Variants in KCNQ3 observed in about 807,000 individuals in gnomAD.
KCNQ3 encodes the protein potassium voltage-gated channel subfamily Q member 3, also known as potassium voltage-gated channel subfamily KQT member 3.
Under a neutral mutation model 92.5 loss-of-function variants are expected in KCNQ3, and 30 were observed. The observed-to-expected ratio is 0.32, with a 90% CI of 0.24 to 0.44. The LOEUF (loss-of-function observed/expected upper bound fraction) is 0.44, where lower values mean the gene tolerates loss of function less well. Ranked by LOEUF, KCNQ3 falls within the 20% of genes least tolerant of loss-of-function variation. The pLI is 1.00. For missense variants in KCNQ3, 913 were observed against 1,140.3 expected (o/e 0.80, Z 2.87); for synonymous variants, 450 against 468.8 (o/e 0.96, Z 0.52).
intron 1 of KCNQ3, among the ~76,000 whole-genome samples, chr8:132,371,065 C>A (rs1384720099): frequency 3.9e-5 from 6 of 152,182 alleles, no homozygotes; most frequent in Non-Finnish European, 4.4e-5. Context: ...TTCCTGGACA[C>A]CCTCTCTGAT....
intron 1 of KCNQ3, among the ~76,000 whole-genome samples, chr8:132,451,779 C>T (rs1346311143): frequency 6.6e-6 from 1 of 152,192 alleles, no homozygotes; most frequent in East Asian, 1.9e-4. Context: ...CTCCATTTAA[C>T]TGATGAGATG....
chr8:132,318,664 G>A (rs1194696569), intron 1 of KCNQ3, among the ~76,000 whole-genome samples: 1 of 152,210 alleles, frequency 6.6e-6, no homozygotes, highest in African/African-American at 2.4e-5. Context: ...CATGGATGTA[G>A]TTTAGTGTGT....
At chr8:132,253,164 G>A (rs2130446870) in intron 1 of KCNQ3, among the ~76,000 whole-genome samples, 1 of 152,262 alleles carries the variant, frequency 6.6e-6, no homozygotes, top group South Asian at 2.1e-4. Context: ...CTGTGCAAGG[G>A]AGATTTAAAA....
At chr8:132,410,242 C>T (rs1820613242) in intron 1 of KCNQ3, among the ~76,000 whole-genome samples, 2 of 152,050 alleles carry the variant, frequency 1.3e-5, no homozygotes, top group African/African-American at 4.8e-5. Context: ...TTTGATAACA[C>T]CACTAATTCG....
chr8:132,429,729 G>A (rs972457709), intron 1 of KCNQ3, among the ~76,000 whole-genome samples: 2 of 151,934 alleles, frequency 1.3e-5, no homozygotes, highest in Non-Finnish European at 2.9e-5. Flanking sequence ...AGGCGTGGTG[G>A]CAGATGCTGT....
At chr8:132,191,936 G>GCGGC (rs956761698) in intron 1 of KCNQ3, among the ~76,000 whole-genome samples, 8 of 152,256 alleles carry the variant, frequency 5.3e-5, no homozygotes, top group African/African-American at 1.7e-4. Flanking sequence ...GCTGTGCAGT[G>GCGGC]CGGCCAGCAG....
chr8:132,202,654 T>G (rs369617635), intron 1 of KCNQ3, among the ~76,000 whole-genome samples: 10 of 152,292 alleles, frequency 6.6e-5, no homozygotes, highest in African/African-American at 1.7e-4. Context: ...TTTGTCACTT[T>G]ATAACAAGGA....
intron 1 of KCNQ3, among the ~76,000 whole-genome samples, chr8:132,257,474 G>A (rs904181435): frequency 4.6e-5 from 7 of 152,046 alleles, no homozygotes; most frequent in Admixed American, 1.3e-4. Flanking sequence ...GGCCGGGCGC[G>A]GTGGCTCATG....
intron 1 of KCNQ3, among the ~76,000 whole-genome samples, chr8:132,200,307 T>A (rs1344524457): frequency 6.6e-6 from 1 of 152,234 alleles, no homozygotes; most frequent in Non-Finnish European, 1.5e-5. Flanking sequence ...ATTATGCCAC[T>A]GTATTTGTTT....
chr8:132,130,145 C>T (rs1586751568), intron 14 of KCNQ3, 149 bp from the exon 15 acceptor site: 7 of 900,862 alleles, frequency 7.8e-6, no homozygotes, highest in South Asian at 3.4e-5. Flanking sequence ...TGCAGTGGCG[C>T]GATCTGGGCT....
chr8:132,384,414 C>A (rs534690268), intron 1 of KCNQ3, among the ~76,000 whole-genome samples: 3 of 152,150 alleles, frequency 2.0e-5, no homozygotes, highest in Admixed American at 2.0e-4. Flanking sequence ...AATTCCAGGA[C>A]GGAGACAGGC....
At chr8:132,264,795 A>T (rs1321126329) in intron 1 of KCNQ3, among the ~76,000 whole-genome samples, 1 of 152,224 alleles carries the variant, frequency 6.6e-6, no homozygotes, top group Non-Finnish European at 1.5e-5. Flanking sequence ...TCAGGATAAT[A>T]ACTTACAGGG....
chr8:132,420,754 T>C (rs1458757749), intron 1 of KCNQ3, among the ~76,000 whole-genome samples: 2 of 152,152 alleles, frequency 1.3e-5, no homozygotes, highest in African/African-American at 4.8e-5. Flanking sequence ...AAGCAACATG[T>C]TTCTGTGCTT....
chr8:132,352,433 A>G (rs1006054728), intron 1 of KCNQ3, among the ~76,000 whole-genome samples: 3 of 152,152 alleles, frequency 2.0e-5, no homozygotes, highest in African/African-American at 7.2e-5. Flanking sequence ...ACCTGGCCAG[A>G]AATGTCAACA....
chr8:132,307,129 T>C (rs149067752), intron 1 of KCNQ3, among the ~76,000 whole-genome samples: 20 of 152,318 alleles, frequency 1.3e-4, no homozygotes, highest in African/African-American at 3.8e-4. Context: ...GATGAAAACT[T>C]GGAGCCTGAG....
chr8:132,388,321 C>A (rs1819951713), intron 1 of KCNQ3, among the ~76,000 whole-genome samples: 1 of 152,104 alleles, frequency 6.6e-6, no homozygotes, highest in African/African-American at 2.4e-5. Flanking sequence ...ACACCTTGAC[C>A]AACTGACTCC....
In KCNQ3 at chr8:132,315,127, T is replaced by C. The variant is rs192598233; in HGVS notation, c.387-128946A>G. On this transcript the variant is annotated intron_variant, in intron 1 of 14. Coordinates refer to ENST00000388996, the MANE Select transcript of KCNQ3 (RefSeq NM_004519.4). Reference sequence around the variant, plus strand: ...TTTAGGAAGATCACTTAGCTGGCAATGTGGAAGAGAAGTGGGAGAAATGAG... The same window carrying C: ...TTTAGGAAGATCACTTAGCTGGCAACGTGGAAGAGAAGTGGGAGAAATGAG... Among the ~76,000 whole-genome samples, 6 of 152,212 alleles carry C rather than the reference T, an allele frequency of 3.9e-5. No individual in the cohort carries two copies. In the East Asian group the frequency reaches 1.2e-3, roughly 29 times the overall value.
At position 132,480,458 on chromosome 8, in the gene KCNQ3, C is replaced by G. The variant is rs1554660829; in HGVS notation, c.75G>C (p.Ala25=). The change falls in exon 1 of 15, where the codon GCG becomes GCC. Residue 25 remains alanine (A), a synonymous_variant. Transcript: ENST00000388996. ...GGDGGGGGGG[A]ANPAGGDAAA... is the part of the protein sequence containing the mutation. Reference sequence around the variant, plus strand: ...CCGCGTCCCCTCCGGCTGGGTTAGCCGCCCCGCCGCCTCCGCCGCCCCCGT... The same window carrying G: ...CCGCGTCCCCTCCGGCTGGGTTAGCGGCCCCGCCGCCTCCGCCGCCCCCGT... 7.8e-7 allele frequency: 1 copy of G among 1,284,660 alleles called. No individual in the cohort carries two copies. The highest frequency in any genetic ancestry group is 3.1e-5 in the East Asian group (1 of 32,046). 79.6% of individuals were successfully genotyped at this position (1,284,660 alleles called of 1,614,324 possible).
intron 1 of KCNQ3, chr8:132,277,908 T>C: frequency 4.1e-6 from 4 of 979,098 alleles, no homozygotes; most frequent in Non-Finnish European, 4.9e-6. Flanking sequence ...TGCTTCCTGC[T>C]CCTACCTCCC....
Sources: allele counts gnomAD v4.1 joint callset (sites outside exome capture counted in the v4.1 genomes callset), GRCh38; gene constraint gnomAD v4.1.1; transcripts MANE v1.5; gene names NCBI Gene and HGNC (gene_info 2026-07-23, HGNC 2026-07-21).